Variants in ZKSCAN5 observed in about 807,000 individuals in gnomAD.
The protein encoded by ZKSCAN5 is zinc finger protein with KRAB and SCAN domains 5.
A neutral mutation model predicts 60.0 loss-of-function variants in ZKSCAN5; 28 were observed. The ratio of observed to expected loss-of-function variants is 0.47; its 90% confidence interval spans 0.35 to 0.64. The LOEUF is 0.64. ZKSCAN5 is among the 30% of genes least tolerant of loss of function. ZKSCAN5 has a pLI of 0.01. For synonymous variants in ZKSCAN5, 361 were observed against 371.2 expected (o/e 0.97, Z 0.31); for missense variants, 881 against 1,034.6 (o/e 0.85, Z 2.04).
intron 6 of ZKSCAN5, 48 bp from the exon 7 acceptor site, chr7:99,531,060 A>G (rs1802017623): frequency 6.6e-7 from 1 of 1,519,090 alleles, no homozygotes; most frequent in South Asian, 1.3e-5. Context: ...CCATCTCAAA[A>G]AAAAAAAAGA....
At chr7:99,509,614 A>C (rs1800928416) in intron 2 of ZKSCAN5, among the ~76,000 whole-genome samples, 1 of 150,398 alleles carries the variant, frequency 6.6e-6, no homozygotes, top group Non-Finnish European at 1.5e-5. Context: ...CTACAGGCAC[A>C]CGCCACCATG....
At chr7:99,524,112 C>T (rs1163384765) in intron 5 of ZKSCAN5, among the ~76,000 whole-genome samples, 12 of 150,860 alleles carry the variant, frequency 8.0e-5, no homozygotes, top group Non-Finnish European at 1.8e-4. Flanking sequence ...GCTCTGTCAC[C>T]CAGACTGGAG....
chr7:99,519,597 C>T (rs998751638), intron 3 of ZKSCAN5, among the ~76,000 whole-genome samples: 3 of 152,056 alleles, frequency 2.0e-5, no homozygotes, highest in African/African-American at 4.8e-5. Flanking sequence ...TCCTTTATAG[C>T]GGAAAGGCAA....
intron 6 of ZKSCAN5, 132 bp from the exon 7 acceptor site, chr7:99,530,975 TG>T (rs758907778): frequency 1.3e-6 from 1 of 775,108 alleles, no homozygotes; most frequent in Non-Finnish European, 2.0e-6. Flanking sequence ...GAGAATCACT[TG>T]AACCCAGGAG....
At position 99,533,761 on chromosome 7, in the gene ZKSCAN5, T is replaced by TCTCTATCCTGTTTCATTCCCTCCCTC. The variant is rs1444005256; in HGVS notation, c.*1513_*1538dup. 1.5e-5 allele frequency: 6 copies of TCTCTATCCTGTTTCATTCCCTCCCTC among 397,698 alleles called. No individual in the cohort carries two copies. Among genetic ancestry groups the TCTCTATCCTGTTTCATTCCCTCCCTC allele is most frequent in the African/African-American group, 1.2e-4 (6 of 48,610 alleles). 24.6% of individuals were successfully genotyped at this position (397,698 alleles called of 1,614,324 possible). A position where few individuals can be genotyped will look rare whatever the true frequency, so the allele number is the denominator to read the frequency against. On this transcript the variant is annotated 3_prime_UTR_variant, in exon 7 of 7. Coordinates refer to ENST00000326775, the MANE Select transcript of ZKSCAN5 (RefSeq NM_145102.4). ...TTCATCCGTGCTAAGCTCTCTCCCT[T>TCTCTATCCTGTTTCATTCCCTCCCTC]CTCTATCCTGTTTCATTCCCTCCCT...
chr7:99,513,708 C>A, intron 3 of ZKSCAN5: 1 of 304,230 alleles, frequency 3.3e-6, no homozygotes, highest in Non-Finnish European at 6.9e-6. Flanking sequence ...CATAGATTTT[C>A]TTGTCTTAAT....
At chr7:99,524,810 C>G (rs1801698913) in intron 5 of ZKSCAN5, among the ~76,000 whole-genome samples, 1 of 152,078 alleles carries the variant, frequency 6.6e-6, no homozygotes, top group East Asian at 1.9e-4. Flanking sequence ...GCTATGAATT[C>G]ACAGGAAGAG....
rs1231084896 is a variant in ZKSCAN5, at chr7:99,507,511, G to GTATATA, written c.414+1054_414+1055insATATAT. Among the ~76,000 whole-genome samples the GTATATA allele has an allele frequency of 2.4e-4, 33 of 137,644 alleles. No individual in the cohort carries two copies. In the East Asian group the frequency reaches 6.0e-3, roughly 25 times the overall value. 90.3% of individuals were successfully genotyped at this position (137,644 alleles called of 152,430 possible). ...TATATGTATATATGTGTATATATATGTGTGTATATATGTATATGTGTATAT... is the reference window on the plus strand; with the variant it reads ...TATATGTATATATGTGTATATATATGTATATATGTGTATATATGTATATGTGTATAT... On this transcript the variant is annotated intron_variant, in intron 2 of 6. Transcript: ENST00000326775.
In ZKSCAN5 at chr7:99,506,263, G is replaced by T; in HGVS notation, c.219G>T (p.Val73=). ...GPREALSQLR[V]LCCEWLRPEL... ...GGGAGGCTCTCAGCCAACTCCGGGT[G>T]CTCTGCTGTGAGTGGCTGAGGCCCG... Residue 73 remains valine (V), a synonymous_variant, in exon 2 of 7, where the codon GTG becomes GTT. Transcript: ENST00000326775. The T allele has an allele frequency of 6.2e-7, 1 of 1,614,260 alleles. No individual in the cohort carries two copies. The highest frequency in any genetic ancestry group is 8.5e-7 in the Non-Finnish European group (1 of 1,180,056).
intron 2 of ZKSCAN5, among the ~76,000 whole-genome samples, chr7:99,507,807 G>A (rs928550784): frequency 6.6e-6 from 1 of 151,890 alleles, no homozygotes; most frequent in African/African-American, 2.4e-5. Flanking sequence ...TCAAGAGGCT[G>A]AGGCAGCAGG....
At chr7:99,510,381 A>G (rs1236127239) in intron 2 of ZKSCAN5, among the ~76,000 whole-genome samples, 1 of 151,478 alleles carries the variant, frequency 6.6e-6, no homozygotes, top group African/African-American at 2.4e-5. Flanking sequence ...ATTTTTATAC[A>G]GTTAGTTAAG....
chr7:99,522,504 C>G (rs1801581827), intron 5 of ZKSCAN5, among the ~76,000 whole-genome samples: 1 of 149,840 alleles, frequency 6.7e-6, no homozygotes, highest in Non-Finnish European at 1.5e-5. Flanking sequence ...GACAGTGTCT[C>G]GCTCTGTTGC....
chr7:99,509,533 C>G (rs1800923782), intron 2 of ZKSCAN5, among the ~76,000 whole-genome samples: 1 of 150,312 alleles, frequency 6.7e-6, no homozygotes, highest in Admixed American at 6.7e-5. Context: ...GTGGCGTGAT[C>G]TCTGCTCACT....
intron 3 of ZKSCAN5, among the ~76,000 whole-genome samples, chr7:99,519,052 T>C (rs1488259324): frequency 6.6e-6 from 1 of 151,140 alleles, no homozygotes; most frequent in East Asian, 2.0e-4. Flanking sequence ...CTTGGCTCAC[T>C]GTAACCTCCA....
rs531816036 is a variant in ZKSCAN5 at position 99,533,204 on chromosome 7, A to C, written c.*955A>C. 1.8e-5 allele frequency: 12 copies of C among 649,354 alleles called. No individual in the cohort carries two copies. In the African/African-American group the frequency reaches 2.1e-4, roughly 12 times the overall value. 40.2% of individuals were successfully genotyped at this position (649,354 alleles called of 1,614,324 possible). On this transcript the variant is annotated 3_prime_UTR_variant, in exon 7 of 7. Coordinates refer to ENST00000326775, the MANE Select transcript of ZKSCAN5 (RefSeq NM_145102.4). The stretch of plus-strand genomic sequence containing the variant: ...CCTCTCCTGTAGAGTGGTGATATAC[A>C]GAATGAGTTTCAGTTTGCATTGCAG...
chr7:99,528,186 C>T (rs1801888441), intron 6 of ZKSCAN5, among the ~76,000 whole-genome samples: 2 of 149,992 alleles, frequency 1.3e-5, no homozygotes, highest in African/African-American at 4.9e-5. Flanking sequence ...TCCACCATGG[C>T]ACAGAAGTCA....
chr7:99,521,177 A>C (rs922521747), intron 5 of ZKSCAN5, among the ~76,000 whole-genome samples: 3 of 152,014 alleles, frequency 2.0e-5, no homozygotes, highest in African/African-American at 7.2e-5. Context: ...GCAAACATAC[A>C]CGCTACAAAA....
intron 5 of ZKSCAN5, among the ~76,000 whole-genome samples, chr7:99,521,934 C>A (rs1054736936): frequency 6.6e-6 from 1 of 152,014 alleles, no homozygotes; most frequent in African/African-American, 2.4e-5. Flanking sequence ...GCCTGTTACT[C>A]TTGCTTTATC....
In ZKSCAN5 at chr7:99,533,501, A is replaced by T. The variant is rs1385072371; in HGVS notation, c.*1252A>T. On this transcript the variant is annotated 3_prime_UTR_variant, in exon 7 of 7. Coordinates refer to ENST00000326775, the MANE Select transcript of ZKSCAN5 (RefSeq NM_145102.4). ...GTGCCCTGTCCAGTCCCCTCTACCA[A>T]GCTGAGACCCCCATCCCCAGCTGCT... 2 of 415,758 alleles carry T rather than the reference A, an allele frequency of 4.8e-6. No homozygotes were observed. The highest frequency in any genetic ancestry group is 8.5e-6 in the Non-Finnish European group (2 of 235,120). 25.8% of individuals were successfully genotyped at this position (415,758 alleles called of 1,614,324 possible).
Sources: allele counts gnomAD v4.1 joint callset (sites outside exome capture counted in the v4.1 genomes callset), GRCh38; gene constraint gnomAD v4.1.1; transcripts MANE v1.5; gene names NCBI Gene and HGNC (gene_info 2026-07-23, HGNC 2026-07-21).